CDC42BPB: variants seen among roughly 807,000 people sequenced by gnomAD.
CDC42BPB encodes serine/threonine-protein kinase MRCK beta.
In CDC42BPB, 37 loss-of-function variants were observed where a neutral mutation model predicts 214.9. The ratio of observed to expected loss-of-function variants is 0.17; its 90% CI spans 0.13 to 0.23. The LOEUF is 0.23. Ranked by LOEUF, CDC42BPB falls within the 10% of genes least tolerant of loss-of-function variation. The pLI is 1.00. For synonymous variants in CDC42BPB, 931 were observed against 884.0 expected (o/e 1.05, Z -0.94); for missense variants, 1,694 against 2,227.0 (o/e 0.76, Z 4.82).
At chr14:102,995,781 TAA>T (rs1420203946) in intron 5 of CDC42BPB, among the ~76,000 whole-genome samples, 1 of 152,176 alleles carries the variant, frequency 6.6e-6, no homozygotes, top group African/African-American at 2.4e-5. Context: ...AGCCACGCCG[TAA>T]AGTTGGCCAC....
chr14:102,945,577 C>T, intron 29 of CDC42BPB, 85 bp downstream of exon 29: 1 of 1,254,164 alleles, frequency 8.0e-7, no homozygotes, highest in East Asian at 2.3e-5. Context: ...TTGTCTTAAC[C>T]CTTAGGAGCT....
chr14:102,967,166 C>A lies in CDC42BPB; in HGVS notation c.2351G>T (p.Cys784Phe). The change falls in exon 17 of 37, where the codon TGT (cysteine) becomes TTT (phenylalanine). Residue 784 changes from cysteine (C) to phenylalanine (F), a missense_variant. This residue lies in a region of CDC42BPB where 462 missense variants were observed against 513.5 expected (regional missense o/e 0.90). Transcript: ENST00000361246. ...AGCTGTGAGTTTATCCACAAAGGAACAGAGCTGAAATGAAACAATTTCACC... is the reference window on the plus strand; with the variant it reads ...AGCTGTGAGTTTATCCACAAAGGAAAAGAGCTGAAATGAAACAATTTCACC... ...KKLTAENEKL[C>F]SFVDKLTAQN... 6.2e-7 allele frequency: 1 copy of A among 1,613,250 alleles called. No homozygotes were observed. Among genetic ancestry groups the A allele is most frequent in the Admixed American group, 1.7e-5 (1 of 59,984 alleles).
intron 17 of CDC42BPB, 97 bp downstream of exon 17, chr14:102,966,949 C>T (rs34444394): frequency 0.024 from 33,762 of 1,419,906 alleles, 478 homozygotes; most frequent in Non-Finnish European, 0.028. Context: ...GAGGCACGGC[C>T]TGGCGTGGAG....
At chr14:103,016,830 C>T (rs987827791) in intron 1 of CDC42BPB, among the ~76,000 whole-genome samples, 8 of 151,804 alleles carry the variant, frequency 5.3e-5, no homozygotes, top group African/African-American at 1.7e-4. Context: ...GAAGAGTATC[C>T]GGAAGCAGCA....
intron 1 of CDC42BPB, among the ~76,000 whole-genome samples, chr14:103,056,792 G>A (rs1335062030): frequency 6.6e-6 from 1 of 152,138 alleles, no homozygotes; most frequent in Non-Finnish European, 1.5e-5. Flanking sequence ...AAAGCTAGCG[G>A]AGGGACGAGG....
intron 1 of CDC42BPB, chr14:103,041,503 T>C: frequency 7.2e-7 from 1 of 1,385,364 alleles, no homozygotes; most frequent in Non-Finnish European, 1.0e-6. Context: ...GAAGCCCCAC[T>C]TCCACAAGGA....
At chr14:102,951,439 AG>A (rs1356542019) in intron 24 of CDC42BPB, among the ~76,000 whole-genome samples, 9 of 152,160 alleles carry the variant, frequency 5.9e-5, no homozygotes, top group Non-Finnish European at 1.2e-4. Context: ...GCAATCACTG[AG>A]GGGGTAAGAG....
At chr14:103,000,592 G>A (rs1019128528) in intron 4 of CDC42BPB, among the ~76,000 whole-genome samples, 1 of 152,262 alleles carries the variant, frequency 6.6e-6, no homozygotes, top group African/African-American at 2.4e-5. Flanking sequence ...CCTCACAGGA[G>A]CCGCCTTCCT....
intron 1 of CDC42BPB, among the ~76,000 whole-genome samples, chr14:103,047,538 C>G (rs1034813366): frequency 6.6e-6 from 1 of 152,154 alleles, no homozygotes; most frequent in African/African-American, 2.4e-5. Flanking sequence ...TGCTTTCAAA[C>G]TTCTGAGGAA....
intron 18 of CDC42BPB, among the ~76,000 whole-genome samples, chr14:102,965,723 G>A (rs536864597): frequency 1.5e-4 from 23 of 152,318 alleles, no homozygotes; most frequent in African/African-American, 4.6e-4. Flanking sequence ...TTGGGAGGCC[G>A]AAGCGGGCAG....
Position 102,950,469 on chromosome 14 carries a change from G to A in CDC42BPB, c.3306C>T (p.Val1102=). Residue 1102 remains valine, a synonymous_variant, in exon 25 of 37, where the codon GTC becomes GTT. Coordinates refer to ENST00000361246, the MANE Select transcript of CDC42BPB (RefSeq NM_006035.4). ...RGIGTAYKGH[V]KVPKPTGVKK... is the part of the protein sequence containing the mutation. ...GGGCGGAGATGAAGCCGCCTACCTT[G>A]ACATGGCCTTTGTAGGCTGTTCCGA... The A allele has an allele frequency of 6.2e-7, 1 of 1,613,018 alleles. No homozygotes were observed. Among genetic ancestry groups the A allele is most frequent in the Non-Finnish European group, 8.5e-7 (1 of 1,179,964 alleles).
chr14:102,957,849 C>G (rs1892779566), intron 21 of CDC42BPB, among the ~76,000 whole-genome samples: 1 of 152,226 alleles, frequency 6.6e-6, no homozygotes, highest in East Asian at 1.9e-4. Context: ...CACCTCAACC[C>G]AACGATCAGA....
chr14:102,978,079 T>A (rs775825335), intron 9 of CDC42BPB, 47 bp downstream of exon 9: 1 of 1,424,044 alleles, frequency 7.0e-7, no homozygotes, highest in South Asian at 1.1e-5. Flanking sequence ...ACTGTTCATC[T>A]ACCACAGGGG....
chr14:102,959,649 T>G lies in CDC42BPB; in HGVS notation c.2883A>C (p.Ala961=). Residue 961 remains alanine (A), a synonymous_variant, in exon 21 of 37, where the codon GCA becomes GCC. Transcript: ENST00000361246. ...IFEYFNTAPL[A]HDLTFRTSSA... is the part of the protein sequence containing the mutation. ...GACTTACTCTAAATGTCAGGTCATG[T>G]GCAAGAGGAGCAGTGTTGAAATACT... 6.2e-7 allele frequency: 1 copy of G among 1,608,312 alleles called. No individual in the cohort carries two copies. Among genetic ancestry groups the G allele is most frequent in the Non-Finnish European group, 8.5e-7 (1 of 1,177,046 alleles).
intron 13 of CDC42BPB, among the ~76,000 whole-genome samples, chr14:102,970,696 T>C (rs1408265192): frequency 1.3e-5 from 2 of 152,210 alleles, no homozygotes; most frequent in Admixed American, 1.3e-4. Flanking sequence ...CATCTCTGCC[T>C]GTGCCCAAAC....
At chr14:102,973,450 T>G (rs1449412271) in intron 12 of CDC42BPB, among the ~76,000 whole-genome samples, 1 of 152,208 alleles carries the variant, frequency 6.6e-6, no homozygotes, top group Non-Finnish European at 1.5e-5. Flanking sequence ...AAAATGAAAT[T>G]TATAAACGAA....
At chr14:103,037,359 C>A (rs986463293) in intron 1 of CDC42BPB, among the ~76,000 whole-genome samples, 1 of 152,050 alleles carries the variant, frequency 6.6e-6, no homozygotes, top group African/African-American at 2.4e-5. Flanking sequence ...GTGGCACAAT[C>A]ATAGCTGACT....
chr14:102,934,556 A>C lies in CDC42BPB; in HGVS notation c.5005-713T>G, dbSNP rs34519352. On this transcript the variant is annotated intron_variant, in intron 36 of 36. Transcript: ENST00000361246. ...CACAAAACAAAACAAAACAAAAAAAACAAAAATCAGCCGGGCACAGTGGTG... is the reference window on the plus strand; with the variant it reads ...CACAAAACAAAACAAAACAAAAAAACCAAAAATCAGCCGGGCACAGTGGTG... 5.3e-4 allele frequency among the ~76,000 whole-genome samples: 81 copies of C among 152,156 alleles called. 1 individual carries two copies. The East Asian group carries it at 0.012, about 22-fold the overall frequency.
At position 103,004,773 on chromosome 14, in the gene CDC42BPB, G is replaced by A. The variant is rs962088672; in HGVS notation, c.352-750C>T. 6.6e-6 allele frequency among the ~76,000 whole-genome samples: 1 copy of A among 152,120 alleles called. No homozygotes were observed. Among genetic ancestry groups the A allele is most frequent in the African/African-American group, 2.4e-5 (1 of 41,416 alleles). On this transcript the variant is annotated intron_variant, in intron 3 of 36. Coordinates refer to ENST00000361246, the MANE Select transcript of CDC42BPB (RefSeq NM_006035.4). This position sits in a 1 kb window ranked among gnomAD's most constrained non-coding sequence, Gnocchi z 5.3. ...AATCCCAGCTACATGGGAGGCTGAG[G>A]GGGGAGAACTGCTTGAGCCCAGGAA... is the stretch of plus-strand genomic sequence containing the variant.
Sources: gnomAD v4.1 joint callset for allele counts (sites outside exome capture counted in the v4.1 genomes callset) on GRCh38, gnomAD v4.1.1 for gene constraint, gnomAD v4.1.1 regional missense constraint, Gnocchi (gnomAD v3.1) non-coding constraint, MANE v1.5 for transcripts, NCBI Gene and HGNC (gene_info 2026-07-23, HGNC 2026-07-21) for gene names.